Variants in DNAAF1 observed in about 807,000 individuals in gnomAD.
The protein encoded by DNAAF1 is dynein axonemal assembly factor 1, also known as dynein assembly factor 1, axonemal.
Under a neutral mutation model 71.1 loss-of-function variants are expected in DNAAF1, and 65 were observed. That is an observed-to-expected ratio of 0.91 (90% CI 0.75 to 1.12). DNAAF1 has a LOEUF of 1.12. Among genes scored for constraint, DNAAF1 ranks in the 50% most tolerant of loss-of-function variants. DNAAF1 has a pLI of 0.00. For missense variants in DNAAF1, 1,178 were observed against 899.8 expected, an observed-to-expected ratio of 1.31 and a Z score of -3.96; for synonymous variants, 414 against 354.6, an observed-to-expected ratio of 1.17 and a Z score of -1.88.
chr16:84,154,146 T>G (rs1456892316), intron 3 of DNAAF1, among the ~76,000 whole-genome samples: 1 of 152,186 alleles, frequency 6.6e-6, no homozygotes, highest in Non-Finnish European at 1.5e-5. Context: ...TAGTCCGTTT[T>G]GAGCTGCTGT....
At chr16:84,153,514 G>A (rs1016345405) in intron 3 of DNAAF1, among the ~76,000 whole-genome samples, 15 of 152,176 alleles carry the variant, frequency 9.9e-5, no homozygotes, top group Admixed American at 3.3e-4. Flanking sequence ...AATATTACTT[G>A]TGCTTATAGC....
chr16:84,161,641 C>T (rs531991446), intron 6 of DNAAF1, among the ~76,000 whole-genome samples: 16 of 151,952 alleles, frequency 1.1e-4, no homozygotes, highest in Admixed American at 5.9e-4. Flanking sequence ...TCTGAGGCTC[C>T]GAAAGCCTCA....
chr16:84,156,034 G>A (rs371923130), intron 5 of DNAAF1, among the ~76,000 whole-genome samples: 21 of 151,816 alleles, frequency 1.4e-4, no homozygotes, highest in Admixed American at 3.3e-4. Context: ...CATGAACTCC[G>A]CCCACTGCAA....
intron 10 of DNAAF1, chr16:84,174,939 T>C (rs2088573964): frequency 1.8e-6 from 1 of 540,944 alleles, no homozygotes; most frequent in Non-Finnish European, 3.3e-6. Context: ...CACTGCAACC[T>C]CCACCTCCTG....
chr16:84,163,510 A>G (rs544178234), intron 6 of DNAAF1, among the ~76,000 whole-genome samples: 13 of 151,800 alleles, frequency 8.6e-5, no homozygotes, highest in African/African-American at 3.1e-4. Context: ...CCTCCCTAGT[A>G]GCTGGGATTA....
rs535950156 is a variant in DNAAF1 at position 84,164,737 on chromosome 16, G to A, written c.864-1046G>A. Among the ~76,000 whole-genome samples the A allele has an allele frequency of 3.3e-5, 5 of 152,320 alleles. No individual in the cohort carries two copies. The South Asian group carries it at 1.0e-3, about 32-fold the overall frequency. On this transcript the variant is annotated intron_variant, in intron 6 of 11. Coordinates refer to ENST00000378553, the MANE Select transcript of DNAAF1 (RefSeq NM_178452.6). The stretch of plus-strand genomic sequence containing the variant: ...AACTGCTGTAAACGTCCATGTGCAG[G>A]TTTGCGTGTGGACATAAGTCTTCAA...
intron 5 of DNAAF1, among the ~76,000 whole-genome samples, chr16:84,155,982 A>G (rs1446538900): frequency 1.3e-5 from 2 of 149,348 alleles, no homozygotes; most frequent in East Asian, 3.9e-4. Flanking sequence ...TTTTTTTTTG[A>G]TATAGAGTTT....
intron 11 of DNAAF1, chr16:84,176,647 C>T: frequency 2.6e-6 from 1 of 385,842 alleles, no homozygotes. Context: ...TCCCTGGCCT[C>T]AGCCTTTCTA....
chr16:84,160,359 G>A (rs114508086), intron 6 of DNAAF1, among the ~76,000 whole-genome samples: 1,813 of 152,186 alleles, frequency 0.012, 46 homozygotes, highest in African/African-American at 0.042. Context: ...TTCTCTTACC[G>A]ATTTGTAAGG....
intron 5 of DNAAF1, chr16:84,159,192 T>C (rs1238332445): frequency 3.5e-5 from 35 of 1,006,374 alleles, no homozygotes; most frequent in Non-Finnish European, 4.2e-5. Context: ...GGGCCGTCCA[T>C]CCTGCGGCAC....
At chr16:84,150,662 C>G (rs2087141308) in intron 3 of DNAAF1, among the ~76,000 whole-genome samples, 1 of 141,056 alleles carries the variant, frequency 7.1e-6, no homozygotes, top group Non-Finnish European at 1.5e-5. Flanking sequence ...GTTGCCCAAG[C>G]TGAAGTGCAG....
In DNAAF1 at chr16:84,176,164, A is replaced by G. The variant is rs1359241037; in HGVS notation, c.1930A>G (p.Arg644Gly). The G allele has an allele frequency of 1.2e-6, 2 of 1,614,106 alleles. No homozygotes were observed. Among genetic ancestry groups the G allele is most frequent in the East Asian group, 2.2e-5 (1 of 44,878 alleles). Reference sequence around the variant, plus strand: ...CCGAAAACAAGACACCAAGTCCCCAAGACCCCTGATCCAGGAGCTCAGCGA... The same window carrying G: ...CCGAAAACAAGACACCAAGTCCCCAGGACCCCTGATCCAGGAGCTCAGCGA... ...EIRKQDTKSPRPLIQELSDED... is the reference protein window; with the variant it reads ...EIRKQDTKSPGPLIQELSDED... The change falls in exon 11 of 12, where the codon AGA becomes GGA. Residue 644 changes from arginine to glycine, a missense_variant. Coordinates refer to ENST00000378553, the MANE Select transcript of DNAAF1 (RefSeq NM_178452.6).
In DNAAF1 at chr16:84,148,582, T is replaced by TTCTCTCTC. The variant is rs1287215005; in HGVS notation, c.125-417_125-410dup. Among the ~76,000 whole-genome samples the TTCTCTCTC allele has an allele frequency of 1.1e-3, 132 of 117,490 alleles. 2 individuals carry two copies. Among genetic ancestry groups the TTCTCTCTC allele is most frequent in the African/African-American group, 4.4e-3 (125 of 28,202 alleles). 77.1% of individuals were successfully genotyped at this position (117,490 alleles called of 152,430 possible). ...ATTGTTACACATTTAAAGATTACTG[T>TTCTCTCTC]TCTCTCTCTCTCTCTTTTTTTTTTT... On this transcript the variant is annotated intron_variant, in intron 1 of 11. Coordinates refer to ENST00000378553, the MANE Select transcript of DNAAF1 (RefSeq NM_178452.6).
At chr16:84,164,424 T>A (rs1305750824) in intron 6 of DNAAF1, among the ~76,000 whole-genome samples, 5 of 152,190 alleles carry the variant, frequency 3.3e-5, no homozygotes, top group Non-Finnish European at 5.9e-5. Flanking sequence ...TCATCCCTCC[T>A]ACCTCCTCAG....
chr16:84,149,045 G>C lies in DNAAF1; in HGVS notation c.163G>C (p.Asp55His). The part of the protein sequence containing the change: ...DPKEICVGSS[D>H]TSYHSQQKQS... ...TAAGGAAATATGTGTGGGTTCTTCT[G>C]ACACATCCTACCACAGCCAGCAGAA... is the stretch of plus-strand genomic sequence containing the variant. The change falls in exon 2 of 12, where the codon GAC (aspartate) becomes CAC (histidine). Residue 55 changes from aspartate (D) to histidine (H), a missense_variant. Asp to His is a moderately conservative substitution (Grantham distance 81). Transcript: ENST00000378553. The C allele has an allele frequency of 6.2e-7, 1 of 1,614,062 alleles. No individual in the cohort carries two copies. Among genetic ancestry groups the C allele is most frequent in the Non-Finnish European group, 8.5e-7 (1 of 1,180,018 alleles).
chr16:84,172,738 A>G, intron 9 of DNAAF1: 1 of 1,166,742 alleles, frequency 8.6e-7, no homozygotes, highest in Non-Finnish European at 1.1e-6. Context: ...TCGTGGTGAG[A>G]GTTACATTGT....
intron 7 of DNAAF1, among the ~76,000 whole-genome samples, chr16:84,167,458 C>T (rs1431758147): frequency 1.3e-5 from 2 of 152,152 alleles, no homozygotes; most frequent in African/African-American, 4.8e-5. Flanking sequence ...CTCCAAGCCT[C>T]TTATCATGGC....
rs1396269749 is a variant in DNAAF1 at position 84,159,764 on chromosome 16, C to T, written c.831C>T (p.Tyr277=). The change falls in exon 6 of 12, where the codon TAC becomes TAT. Residue 277 remains tyrosine, a synonymous_variant. Transcript: ENST00000378553. ...TVTVRLKHLT[Y]LDDRPVFPKD... ...CTGTACGACTAAAGCACTTAACATACCTGGATGATAGACCAGTGTTTCCAA... is the reference window on the plus strand; with the variant it reads ...CTGTACGACTAAAGCACTTAACATATCTGGATGATAGACCAGTGTTTCCAA... The T allele has an allele frequency of 1.2e-6, 2 of 1,613,952 alleles. No homozygotes were observed. The highest frequency in any genetic ancestry group is 2.2e-5 in the South Asian group (2 of 91,084).
rs1004987925 is a variant in DNAAF1 at position 84,149,693 on chromosome 16, A to G, written c.260+551A>G. Among the ~76,000 whole-genome samples the G allele has an allele frequency of 4.1e-5, 6 of 145,654 alleles. No homozygotes were observed. The South Asian group carries it at 6.4e-4, about 15-fold the overall frequency. ...GCGGCAGAGTGAGACTCCATCTCAAAAAAAAAAAAAAAAAAACATACATTG... is the reference window on the plus strand; with the variant it reads ...GCGGCAGAGTGAGACTCCATCTCAAGAAAAAAAAAAAAAAAACATACATTG... On this transcript the variant is annotated intron_variant, in intron 2 of 11. Coordinates refer to ENST00000378553, the MANE Select transcript of DNAAF1 (RefSeq NM_178452.6).
Sources: allele counts gnomAD v4.1 joint callset (sites outside exome capture counted in the v4.1 genomes callset), GRCh38; gene constraint gnomAD v4.1.1; transcripts MANE v1.5; gene names NCBI Gene and HGNC (gene_info 2026-07-23, HGNC 2026-07-21).